The following AKAP8L variants were observed in gnomAD, a reference collection of about 807,000 sequenced individuals.
AKAP8L encodes the protein A-kinase anchoring protein 8 like.
AKAP8L carries 34 observed loss-of-function variants against 77.5 expected under a neutral mutation model. The ratio of observed to expected loss-of-function variants is 0.44; its 90% CI spans 0.33 to 0.58. AKAP8L has a LOEUF of 0.58. AKAP8L is among the 20% of genes least tolerant of loss of function. The pLI is 0.02. For synonymous variants in AKAP8L, 342 were observed against 340.7 expected (o/e 1.00, Z -0.04); for missense variants, 806 against 887.6 (o/e 0.91, Z 1.17).
At chr19:15,405,468 T>G (rs1967978081) in intron 2 of AKAP8L, among the ~76,000 whole-genome samples, 2 of 150,966 alleles carry the variant, frequency 1.3e-5, no homozygotes, top group Non-Finnish European at 2.9e-5. Flanking sequence ...CGGCAGAGTT[T>G]GCAGTGAGGT....
Position 15,409,763 on chromosome 19 carries a change from C to T in AKAP8L, c.88+757G>A, listed in dbSNP as rs564660989. On this transcript the variant is annotated intron_variant, in intron 2 of 13. Transcript: ENST00000397410. Reference sequence around the variant, plus strand: ...TTAGCTAATTAGGTGTTTCTGTCCACGCTGGAAAACTCAATCAGAGATCTT... The same window carrying T: ...TTAGCTAATTAGGTGTTTCTGTCCATGCTGGAAAACTCAATCAGAGATCTT... Among the ~76,000 whole-genome samples the T allele has an allele frequency of 2.0e-5, 3 of 151,964 alleles. No homozygotes were observed. In the South Asian group the frequency reaches 6.2e-4, roughly 32 times the overall value.
At chr19:15,417,724 C>T (rs1415531724) in intron 1 of AKAP8L, 1 of 152,216 alleles carries the variant, frequency 6.6e-6, no homozygotes, top group African/African-American at 2.4e-5. Flanking sequence ...ACTCACGTTG[C>T]ATTCTCAGTT....
At chr19:15,406,900 A>G (rs1968012678) in intron 2 of AKAP8L, among the ~76,000 whole-genome samples, 1 of 152,258 alleles carries the variant, frequency 6.6e-6, no homozygotes, top group African/African-American at 2.4e-5. Flanking sequence ...TCGGTGACAT[A>G]TCATGTAAGC....
At position 15,397,302 on chromosome 19, in the gene AKAP8L, C is replaced by T. The variant is rs763375737; in HGVS notation, c.1406-22G>A. ...ATTTCTGTAGTGGGGAGGAGGGAGTCACCACTGGGCCCAGGTGCCTAAGAT... is the reference window on the plus strand; with the variant it reads ...ATTTCTGTAGTGGGGAGGAGGGAGTTACCACTGGGCCCAGGTGCCTAAGAT... On this transcript the variant is annotated intron_variant, in intron 11 of 13. Coordinates refer to ENST00000397410, the MANE Select transcript of AKAP8L (RefSeq NM_014371.4). This position sits in a 1 kb window ranked among gnomAD's most constrained non-coding sequence, Gnocchi z 4.7. 2.5e-6 allele frequency: 4 copies of T among 1,613,400 alleles called. No individual in the cohort carries two copies. Among genetic ancestry groups the T allele is most frequent in the Non-Finnish European group, 3.4e-6 (4 of 1,179,630 alleles).
intron 2 of AKAP8L, chr19:15,404,274 A>G (rs1257048893): frequency 1.3e-5 from 7 of 542,040 alleles, no homozygotes; most frequent in Non-Finnish European, 2.3e-5. Flanking sequence ...TCTGTTCCCA[A>G]CACTCTCAAC....
rs1255671790 is a variant in AKAP8L, at chr19:15,398,213, CGGAA to C, written c.1158-362_1158-359del. The C allele has an allele frequency of 1.3e-5, 4 of 308,220 alleles. No homozygotes were observed. Among genetic ancestry groups the C allele is most frequent in the East Asian group, 7.3e-5 (1 of 13,722 alleles). 19.1% of individuals were successfully genotyped at this position (308,220 alleles called of 1,614,324 possible). A position where few individuals can be genotyped will look rare whatever the true frequency, so the allele number is the denominator to read the frequency against. ...GTGTGCACTTGGCCCAGGTGGGGAC[CGGAA>C]GGAAGGATGCCCTGGCGTGAGCCAG... On this transcript the variant is annotated intron_variant, in intron 9 of 13. Transcript: ENST00000397410. The surrounding 1 kb of genome is among the most constrained non-coding windows in gnomAD (Gnocchi z 9.2).
chr19:15,411,159 A>C (rs1748228212), intron 1 of AKAP8L, among the ~76,000 whole-genome samples: 1 of 152,162 alleles, frequency 6.6e-6, no homozygotes, highest in African/African-American at 2.4e-5. Flanking sequence ...CTATTTTGAG[A>C]AATGAACACC....
intron 12 of AKAP8L, among the ~76,000 whole-genome samples, chr19:15,395,411 G>C (rs1967749497): frequency 6.6e-6 from 1 of 151,942 alleles, no homozygotes; most frequent in Non-Finnish European, 1.5e-5. Flanking sequence ...TGCCTCCTGG[G>C]TTCAAGCGAT....
chr19:15,383,714 C>G (rs1056469447), intron 12 of AKAP8L: 1 of 151,996 alleles, frequency 6.6e-6, no homozygotes, highest in Non-Finnish European at 1.5e-5. Flanking sequence ...TTTAGTATTT[C>G]TGAAATCAAT....
At chr19:15,391,213 C>A (rs1213925067) in intron 12 of AKAP8L, among the ~76,000 whole-genome samples, 1 of 152,090 alleles carries the variant, frequency 6.6e-6, no homozygotes, top group African/African-American at 2.4e-5. Flanking sequence ...GTAATCCCAG[C>A]ACTTTGGGAG....
At chr19:15,394,869 T>A (rs1470854155) in intron 12 of AKAP8L, among the ~76,000 whole-genome samples, 1 of 152,162 alleles carries the variant, frequency 6.6e-6, no homozygotes, top group Non-Finnish European at 1.5e-5. Context: ...ATTCAAATTA[T>A]CTCTGTAAAC....
chr19:15,399,220 A>T lies in AKAP8L; in HGVS notation c.1157+82T>A. On this transcript the variant is annotated intron_variant, in intron 9 of 13. Coordinates refer to ENST00000397410, the MANE Select transcript of AKAP8L (RefSeq NM_014371.4). The surrounding 1 kb of genome is among the most constrained non-coding windows in gnomAD (Gnocchi z 6.1). ...TCCCAAGGGAGGCCAGAGGGCGGCG[A>T]GCTGGCAGAGCTATGGCCCTGCTCT... is the stretch of plus-strand genomic sequence containing the variant. 7.7e-7 allele frequency: 1 copy of T among 1,299,698 alleles called. No homozygotes were observed. The allele number at this position is 1,299,698 out of a possible 1,614,324, so 80.5% of individuals were successfully genotyped here. A position where few individuals can be genotyped will look rare whatever the true frequency, so the allele number is the denominator to read the frequency against.
At position 15,400,880 on chromosome 19, in the gene AKAP8L, A is replaced by T. The variant is rs1039562350; in HGVS notation, c.914-16T>A. On this transcript the variant is annotated splice_polypyrimidine_tract_variant and intron_variant, in intron 6 of 13. Transcript: ENST00000397410. ...GTGCCCTCATCTGAAAGGGAAAAGG[A>T]GGTAAGCTCAACCCAGGAGTTCCCA... The T allele has an allele frequency of 1.9e-6, 3 of 1,613,950 alleles. No homozygotes were observed. Among genetic ancestry groups the T allele is most frequent in the Non-Finnish European group, 2.5e-6 (3 of 1,179,854 alleles).
rs1568267083 is a variant in AKAP8L at position 15,397,858 on chromosome 19, G to A, written c.1158-3C>T. On this transcript the variant is annotated splice_region_variant and splice_polypyrimidine_tract_variant and intron_variant, in intron 9 of 13. Coordinates refer to ENST00000397410, the MANE Select transcript of AKAP8L (RefSeq NM_014371.4). This position sits in a 1 kb window ranked among gnomAD's most constrained non-coding sequence, Gnocchi z 4.7. ...ACAGAGAACACACAAACTGGATCCT[G>A]CCACAGGAAGGAAACGAGGGGCTGA... 1 of 1,613,536 alleles carries A rather than the reference G, an allele frequency of 6.2e-7. No homozygotes were observed. The highest frequency in any genetic ancestry group is 8.5e-7 in the Non-Finnish European group (1 of 1,179,686).
chr19:15,396,441 G>T (rs1212770968), intron 12 of AKAP8L, among the ~76,000 whole-genome samples: 3 of 152,314 alleles, frequency 2.0e-5, no homozygotes, highest in East Asian at 3.9e-4. Flanking sequence ...ACTGGAAAAT[G>T]AGACAGAATT....
At chr19:15,407,766 G>T (rs1263226457) in intron 2 of AKAP8L, among the ~76,000 whole-genome samples, 1 of 152,158 alleles carries the variant, frequency 6.6e-6, no homozygotes, top group Non-Finnish European at 1.5e-5. Context: ...TCATGAATCA[G>T]AAGACTTGAT....
rs779066083 is a variant in AKAP8L, at chr19:15,400,343, C to G, written c.1000G>C (p.Glu334Gln). The change falls in exon 8 of 14, where the codon GAG (glutamate) becomes CAG (glutamine). Residue 334 changes from glutamate to glutamine, a missense_variant. Glu to Gln is a conservative substitution (Grantham distance 29). This residue lies in a region of AKAP8L where 580 missense variants were observed against 694.1 expected (regional missense o/e 0.84). Transcript: ENST00000397410. ...TCTTCTCTCCCATCCTCTTTTCCCT[C>G]CTCATCCTCTCCGTCCTAACAATTT... ...KGSRVDGEDE[E>Q]GKEDGREEGK... 1 of 1,613,830 alleles carries G rather than the reference C, an allele frequency of 6.2e-7. No homozygotes were observed.
intron 2 of AKAP8L, among the ~76,000 whole-genome samples, chr19:15,406,396 A>AGAGAGAGAGAGG (rs1283767208): frequency 6.7e-6 from 1 of 148,276 alleles, no homozygotes; most frequent in African/African-American, 2.5e-5. Context: ...AGAGAGAGAG[A>AGAGAGAGAGAGG]GAGAGAGATC....
chr19:15,383,673 GT>G (rs1467458399), intron 12 of AKAP8L: 1 of 151,952 alleles, frequency 6.6e-6, no homozygotes, highest in African/African-American at 2.4e-5. Context: ...CACTTTTTTT[GT>G]TTTTTAATTG....
Sources: allele counts gnomAD v4.1 joint callset (sites outside exome capture counted in the v4.1 genomes callset), GRCh38; gene constraint gnomAD v4.1.1; regional missense constraint gnomAD v4.1.1; non-coding constraint Gnocchi (gnomAD v3.1); transcripts MANE v1.5; gene names NCBI Gene and HGNC (gene_info 2026-07-23, HGNC 2026-07-21).